SEM1: variants seen among roughly 807,000 people sequenced by gnomAD.
SEM1 encodes 26S proteasome complex subunit SEM1.
A neutral mutation model predicts 12.7 loss-of-function variants in SEM1; 3 were observed. The ratio of observed to expected loss-of-function variants is 0.24; its 90% CI spans 0.11 to 0.61. The LOEUF (loss-of-function observed/expected upper bound fraction) is 0.61, where lower values mean the gene tolerates loss of function less well. Ranked by LOEUF, SEM1 falls within the 20% of genes least tolerant of loss-of-function variation. The probability of loss-of-function intolerance (pLI) is 0.88; values close to 1 mark genes in which losing one functional copy is unlikely to be tolerated. For missense variants in SEM1, 59 were observed against 81.3 expected (o/e 0.73, Z 1.06); for synonymous variants, 30 against 27.8 (o/e 1.08, Z -0.25).
chr7:96,683,573 C>A (rs1208963187), intron 2 of SEM1, among the ~76,000 whole-genome samples: 2 of 152,136 alleles, frequency 1.3e-5, no homozygotes, highest in Non-Finnish European at 2.9e-5. Context: ...TATAAAGCCA[C>A]ATGCACACGT....
intron 2 of SEM1, among the ~76,000 whole-genome samples, chr7:96,656,876 T>TATACACACAC (rs891240099): frequency 7.2e-6 from 1 of 139,834 alleles, no homozygotes; most frequent in African/African-American, 2.8e-5. Flanking sequence ...TATATATATA[T>TATACACACAC]ACACACACAC....
chr7:96,635,281 G>A (rs545524405), intron 2 of SEM1, among the ~76,000 whole-genome samples: 1 of 152,182 alleles, frequency 6.6e-6, no homozygotes, highest in African/African-American at 2.4e-5. Context: ...AATATAGTAA[G>A]TTTTAGATGT....
chr7:96,519,725 T>G (rs967069023), intron 2 of SEM1, among the ~76,000 whole-genome samples: 5 of 152,044 alleles, frequency 3.3e-5, no homozygotes, highest in African/African-American at 1.2e-4. Flanking sequence ...CAAAAACCAG[T>G]GTCCTGAAAA....
chr7:96,613,001 AT>A (rs894724567), intron 2 of SEM1, among the ~76,000 whole-genome samples: 4 of 152,276 alleles, frequency 2.6e-5, no homozygotes, highest in East Asian at 1.9e-4. Flanking sequence ...AAAAGAAAGT[AT>A]TTTTTTTAAA....
chr7:96,587,983 A>G (rs1308311740), intron 2 of SEM1, among the ~76,000 whole-genome samples: 1 of 152,152 alleles, frequency 6.6e-6, no homozygotes, highest in African/African-American at 2.4e-5. Flanking sequence ...TCATGTTAAC[A>G]ACGAAGTATT....
downstream of SEM1, chr7:96,687,865 T>C (rs374333756): frequency 6.6e-6 from 1 of 152,122 alleles, no homozygotes; most frequent in African/African-American, 2.4e-5. Flanking sequence ...GTGTTCCTTA[T>C]TCCATTTGAT....
chr7:96,644,004 A>G (rs1311960565), intron 2 of SEM1, among the ~76,000 whole-genome samples: 1 of 152,024 alleles, frequency 6.6e-6, no homozygotes, highest in Non-Finnish European at 1.5e-5. Flanking sequence ...TTCACAGTCT[A>G]TGTCCCCACC....
chr7:96,586,601 A>C (rs1187933888), intron 2 of SEM1, among the ~76,000 whole-genome samples: 3 of 152,162 alleles, frequency 2.0e-5, no homozygotes, highest in Non-Finnish European at 2.9e-5. Context: ...GTATTCATTT[A>C]ATCTCTATTC....
At chr7:96,631,677 T>G (rs1460631644) in intron 2 of SEM1, among the ~76,000 whole-genome samples, 2 of 152,084 alleles carry the variant, frequency 1.3e-5, no homozygotes, top group African/African-American at 4.8e-5. Flanking sequence ...CCAAAAGCAA[T>G]GGCAACAAAA....
At chr7:96,483,788 T>G in exon 4 of SEM1, 1 of 1,523,496 alleles carries the variant, frequency 6.6e-7, no homozygotes, top group Non-Finnish European at 8.8e-7. Context: ...GGATATCTGG[T>G]ATCAGCATGT....
chr7:96,540,229 A>T (rs1344786772), intron 2 of SEM1, among the ~76,000 whole-genome samples: 1 of 151,632 alleles, frequency 6.6e-6, no homozygotes, highest in African/African-American at 2.4e-5. Context: ...AACATCACCA[A>T]TTAATAAAAT....
intron 2 of SEM1, among the ~76,000 whole-genome samples, chr7:96,658,301 A>G (rs1019772923): frequency 2.6e-5 from 4 of 152,078 alleles, no homozygotes; most frequent in African/African-American, 9.7e-5. Context: ...TTAAAACTAA[A>G]TCTCAATGCT....
At chr7:96,653,784 C>G (rs1809082712) in intron 2 of SEM1, 1 of 152,218 alleles carries the variant, frequency 6.6e-6, no homozygotes, top group African/African-American at 2.4e-5. Context: ...AGCGTTGGAA[C>G]AAGGCAGGAA....
intron 2 of SEM1, among the ~76,000 whole-genome samples, chr7:96,608,562 C>T (rs1012028709): frequency 6.6e-6 from 1 of 152,114 alleles, no homozygotes; most frequent in African/African-American, 2.4e-5. Flanking sequence ...AGCCTTGTAC[C>T]CACTTGGAGT....
chr7:96,662,092 A>G (rs867019351), intron 2 of SEM1, among the ~76,000 whole-genome samples: 34 of 152,066 alleles, frequency 2.2e-4, no homozygotes, highest in African/African-American at 8.2e-4. Flanking sequence ...AATTAGTTCA[A>G]CCATTGTGGC....
chr7:96,649,834 G>C (rs1317950799), intron 2 of SEM1: 3 of 152,150 alleles, frequency 2.0e-5, no homozygotes, highest in Non-Finnish European at 4.4e-5. Flanking sequence ...TTTTAGATGA[G>C]GAAACCAAGA....
intron 2 of SEM1, among the ~76,000 whole-genome samples, chr7:96,546,045 G>T (rs1026287548): frequency 1.3e-5 from 2 of 152,076 alleles, no homozygotes; most frequent in Admixed American, 6.6e-5. Context: ...CAGCTGCTCT[G>T]CAGGCTTCTC....
chr7:96,525,379 G>T (rs913515382), intron 2 of SEM1, among the ~76,000 whole-genome samples: 5 of 151,846 alleles, frequency 3.3e-5, no homozygotes, highest in African/African-American at 1.2e-4. Context: ...GTGATCCTGA[G>T]GCATTTGCGA....
At chr7:96,664,776 C>T (rs750140399) in intron 2 of SEM1, among the ~76,000 whole-genome samples, 1 of 152,086 alleles carries the variant, frequency 6.6e-6, no homozygotes, top group Non-Finnish European at 1.5e-5. Context: ...GCATAGACAA[C>T]AGAAACTGGA....
Sources: allele counts gnomAD v4.1 joint callset (sites outside exome capture counted in the v4.1 genomes callset), GRCh38; gene constraint gnomAD v4.1.1; transcripts MANE v1.5; gene names NCBI Gene and HGNC (gene_info 2026-07-23, HGNC 2026-07-21).